Variants in CLYBL observed in about 807,000 individuals in gnomAD.
CLYBL encodes citramalyl-CoA lyase.
A neutral mutation model predicts 38.9 loss-of-function variants in CLYBL; 31 were observed. The ratio of observed to expected loss-of-function variants is 0.80; its 90% CI spans 0.60 to 1.08. The LOEUF (loss-of-function observed/expected upper bound fraction) is 1.08, where lower values mean the gene tolerates loss of function less well. Among genes scored for constraint, CLYBL ranks in the 50% least tolerant of loss-of-function variants. The pLI, the probability that CLYBL is intolerant of heterozygous loss-of-function variation, is 0.00. For synonymous variants in CLYBL, 171 were observed against 158.6 expected, an observed-to-expected ratio of 1.08 and a Z score of -0.59; for missense variants, 434 against 411.6, an observed-to-expected ratio of 1.05 and a Z score of -0.47.
At chr13:99,777,348 C>T (rs1253955509) in intron 2 of CLYBL, among the ~76,000 whole-genome samples, 1 of 152,210 alleles carries the variant, frequency 6.6e-6, no homozygotes, top group African/African-American at 2.4e-5. Context: ...TCAATACCTC[C>T]ACCTAACCAG....
chr13:99,792,153 AT>A (rs1417134189), intron 2 of CLYBL, among the ~76,000 whole-genome samples: 1 of 152,176 alleles, frequency 6.6e-6, no homozygotes, highest in African/African-American at 2.4e-5. Flanking sequence ...ACTTTGCATT[AT>A]TGTGCCAGAT....
intron 1 of CLYBL, among the ~76,000 whole-genome samples, chr13:99,695,506 C>T (rs553543568): frequency 6.6e-6 from 1 of 152,088 alleles, no homozygotes; most frequent in East Asian, 1.9e-4. Context: ...CTTGGTGTTC[C>T]TGTGTGACAT....
chr13:99,676,186 G>GTCCGTCCGTCCCTTCCTTCCTTCCTTCCT (rs1459044000), intron 1 of CLYBL, among the ~76,000 whole-genome samples: 2 of 132,994 alleles, frequency 1.5e-5, no homozygotes, highest in Non-Finnish European at 3.2e-5. Context: ...CCCTCCGTCC[G>GTCCGTCCGTCCCTTCCTTCCTTCCTTCCT]TCCTTCCTTC....
At chr13:99,728,926 AG>A (rs540059299) in intron 1 of CLYBL, among the ~76,000 whole-genome samples, 2 of 152,208 alleles carry the variant, frequency 1.3e-5, no homozygotes, top group Non-Finnish European at 2.9e-5. Context: ...AATACCTTAA[AG>A]ACAGCAATTT....
intron 1 of CLYBL, among the ~76,000 whole-genome samples, chr13:99,749,388 C>G (rs568926920): frequency 6.6e-6 from 1 of 152,262 alleles, no homozygotes; most frequent in South Asian, 2.1e-4. Flanking sequence ...ATGTCCAACC[C>G]TTTTCATGGG....
intron 2 of CLYBL, among the ~76,000 whole-genome samples, chr13:99,836,743 A>T (rs921958077): frequency 6.6e-6 from 1 of 152,240 alleles, no homozygotes; most frequent in Non-Finnish European, 1.5e-5. Flanking sequence ...TGGTGGTGCT[A>T]GAGAGATTAT....
At chr13:99,839,157 C>CT (rs2051008646) in intron 2 of CLYBL, among the ~76,000 whole-genome samples, 1 of 152,230 alleles carries the variant, frequency 6.6e-6, no homozygotes, top group African/African-American at 2.4e-5. Flanking sequence ...GGCATAGCAT[C>CT]TGGAAGAGCA....
intron 2 of CLYBL, among the ~76,000 whole-genome samples, chr13:99,852,726 C>CT (rs60799458): frequency 0.67 from 101,158 of 151,856 alleles, 33,884 homozygotes; most frequent in East Asian, 0.77. Flanking sequence ...TTTTAGGGTG[C>CT]TTTCCCCCCT....
chr13:99,685,667 A>G (rs1256130107), intron 1 of CLYBL, among the ~76,000 whole-genome samples: 2 of 152,176 alleles, frequency 1.3e-5, no homozygotes, highest in East Asian at 1.9e-4. Flanking sequence ...TTCTCTCTCA[A>G]GAACCTCTTA....
At chr13:99,737,308 C>T (rs1202018762) in intron 1 of CLYBL, among the ~76,000 whole-genome samples, 1 of 152,210 alleles carries the variant, frequency 6.6e-6, no homozygotes. Context: ...CAAGTGTCTT[C>T]TCAGCCACAG....
intron 1 of CLYBL, among the ~76,000 whole-genome samples, chr13:99,654,164 A>G (rs780450232): frequency 2.6e-5 from 4 of 152,150 alleles, no homozygotes; most frequent in African/African-American, 4.8e-5. Context: ...ACCACATCCC[A>G]TCAATCAGAA....
intron 9 of CLYBL, among the ~76,000 whole-genome samples, chr13:99,907,336 T>A: frequency 6.6e-6 from 1 of 152,094 alleles, no homozygotes; most frequent in East Asian, 1.9e-4. Flanking sequence ...TGAAATGAGT[T>A]AATACATACA....
At chr13:99,652,044 T>C (rs1191096374) in intron 1 of CLYBL, among the ~76,000 whole-genome samples, 1 of 152,208 alleles carries the variant, frequency 6.6e-6, no homozygotes. Context: ...GGAAAGCAAC[T>C]GTAGGCATGC....
chr13:99,694,450 CG>C (rs2047950186), intron 1 of CLYBL, among the ~76,000 whole-genome samples: 1 of 152,168 alleles, frequency 6.6e-6, no homozygotes, highest in African/African-American at 2.4e-5. Flanking sequence ...GTTTCAGCCT[CG>C]AAGTGAGAGG....
intron 1 of CLYBL, among the ~76,000 whole-genome samples, chr13:99,662,949 A>G (rs2047430726): frequency 6.6e-6 from 1 of 152,252 alleles, no homozygotes; most frequent in Non-Finnish European, 1.5e-5. Flanking sequence ...CTGCTGGTCC[A>G]AAGAACAAAC....
At chr13:99,899,953 G>T (rs1359514159), downstream of CLYBL, among the ~76,000 whole-genome samples, 1 of 151,912 alleles carries the variant, frequency 6.6e-6, no homozygotes. Flanking sequence ...TTGAGACAGG[G>T]TCTCACTCCT....
intron 1 of CLYBL, among the ~76,000 whole-genome samples, chr13:99,743,887 C>T (rs1190058034): frequency 6.6e-6 from 1 of 151,024 alleles, no homozygotes; most frequent in East Asian, 1.9e-4. Context: ...TGCAGTCTAG[C>T]GGTATTGCGG....
intron 2 of CLYBL, among the ~76,000 whole-genome samples, chr13:99,783,613 C>T (rs1388284358): frequency 6.6e-6 from 1 of 151,944 alleles, no homozygotes; most frequent in East Asian, 1.9e-4. Context: ...CCTGCCACCA[C>T]TCCTGGCTAA....
At chr13:99,648,745 T>G (rs1414617456) in intron 1 of CLYBL, among the ~76,000 whole-genome samples, 4 of 152,194 alleles carry the variant, frequency 2.6e-5, no homozygotes. Context: ...TTCTTACTCC[T>G]TTCTTGAACT....
Sources: gnomAD v4.1 joint callset for allele counts (sites outside exome capture counted in the v4.1 genomes callset) on GRCh38, gnomAD v4.1.1 for gene constraint, MANE v1.5 for transcripts, NCBI Gene and HGNC (gene_info 2026-07-23, HGNC 2026-07-21) for gene names.